The following UBE2E2 variants were observed in gnomAD, a reference collection of about 807,000 sequenced individuals.
UBE2E2 encodes the protein ubiquitin-conjugating enzyme E2 E2.
UBE2E2 carries 6 observed loss-of-function variants against 24.7 expected under a neutral mutation model. The observed-to-expected ratio is 0.24, with a 90% CI of 0.13 to 0.48. UBE2E2 has a LOEUF of 0.48. Ranked by LOEUF, UBE2E2 falls within the 20% of genes least tolerant of loss-of-function variation. The probability of loss-of-function intolerance (pLI) is 0.99; values close to 1 mark genes in which losing one functional copy is unlikely to be tolerated. For synonymous variants in UBE2E2, 104 were observed against 83.6 expected, an observed-to-expected ratio of 1.24 and a Z score of -1.33; for missense variants, 169 against 245.0, an observed-to-expected ratio of 0.69 and a Z score of 2.07.
intron 5 of UBE2E2, among the ~76,000 whole-genome samples, chr3:23,582,891 G>GTGTGTGTGTGTGTA (rs1553622745): frequency 0.039 from 5,843 of 148,630 alleles, 213 homozygotes; most frequent in African/African-American, 0.1. Context: ...GTGTGTGTGT[G>GTGTGTGTGTGTGTA]TGTTGTGTGT....
chr3:23,317,495 G>C (rs1199383740), intron 3 of UBE2E2, among the ~76,000 whole-genome samples: 1 of 152,170 alleles, frequency 6.6e-6, no homozygotes, highest in East Asian at 1.9e-4. Context: ...TCACACTGCT[G>C]ATAATAACAT....
chr3:23,235,626 C>T (rs550835135), intron 3 of UBE2E2, among the ~76,000 whole-genome samples: 1 of 152,136 alleles, frequency 6.6e-6, no homozygotes, highest in East Asian at 1.9e-4. Context: ...TAGATTATGG[C>T]AGTAGCAGTG....
chr3:23,535,862 C>T (rs1478807418), intron 5 of UBE2E2, among the ~76,000 whole-genome samples: 1 of 152,092 alleles, frequency 6.6e-6, no homozygotes, highest in Admixed American at 6.5e-5. Context: ...ACCTCGTGAT[C>T]CGCCCGCCTC....
intron 3 of UBE2E2, among the ~76,000 whole-genome samples, chr3:23,466,894 C>G (rs1241108805): frequency 2.6e-5 from 4 of 152,266 alleles, no homozygotes; most frequent in African/African-American, 9.6e-5. Flanking sequence ...CCTTATTTTT[C>G]TTATAATGAC....
chr3:23,257,156 G>A (rs1697748134), intron 3 of UBE2E2, among the ~76,000 whole-genome samples: 1 of 152,196 alleles, frequency 6.6e-6, no homozygotes, highest in Non-Finnish European at 1.5e-5. Context: ...GCTCTTCTGT[G>A]TGGGTCTTCA....
At chr3:23,217,853 G>T (rs1050195550) in intron 3 of UBE2E2, among the ~76,000 whole-genome samples, 1 of 151,998 alleles carries the variant, frequency 6.6e-6, no homozygotes, top group Non-Finnish European at 1.5e-5. Context: ...GAATTTTCTG[G>T]TCAGTGTTTA....
chr3:23,299,049 C>T (rs1698997601), intron 3 of UBE2E2, among the ~76,000 whole-genome samples: 1 of 152,188 alleles, frequency 6.6e-6, no homozygotes, highest in African/African-American at 2.4e-5. Context: ...TAATCCATTT[C>T]TTCCAGATTT....
intron 3 of UBE2E2, among the ~76,000 whole-genome samples, chr3:23,348,168 A>G (rs35928592): frequency 0.071 from 10,751 of 152,164 alleles, 501 homozygotes; most frequent in Non-Finnish European, 0.088. Flanking sequence ...CTATATCTCA[A>G]TGTGAAAACT....
intron 4 of UBE2E2, among the ~76,000 whole-genome samples, chr3:23,520,458 T>C (rs1245254896): frequency 2.0e-5 from 3 of 152,214 alleles, no homozygotes; most frequent in Non-Finnish European, 4.4e-5. Flanking sequence ...GGGAAAAATA[T>C]GATTACCCTC....
intron 3 of UBE2E2, among the ~76,000 whole-genome samples, chr3:23,226,683 C>A (rs191591470): frequency 6.6e-6 from 1 of 152,228 alleles, no homozygotes; most frequent in East Asian, 1.9e-4. Flanking sequence ...TATAGTTATT[C>A]TTGGGACAGT....
intron 3 of UBE2E2, among the ~76,000 whole-genome samples, chr3:23,447,830 C>A (rs1306300584): frequency 6.6e-6 from 1 of 152,060 alleles, no homozygotes; most frequent in Admixed American, 6.6e-5. Flanking sequence ...AGTGATGGTG[C>A]ACCTTATTTT....
intron 3 of UBE2E2, among the ~76,000 whole-genome samples, chr3:23,336,536 A>G (rs17013029): frequency 0.029 from 4,419 of 152,302 alleles, 116 homozygotes; most frequent in East Asian, 0.13. Flanking sequence ...AAAATTTCCA[A>G]TCACCATCTC....
chr3:23,366,106 A>G (rs994424702), intron 3 of UBE2E2, among the ~76,000 whole-genome samples: 8 of 152,290 alleles, frequency 5.3e-5, no homozygotes, highest in Middle Eastern at 3.4e-3. Context: ...AATCAAAACC[A>G]CAGTGAGATA....
Position 23,304,805 on chromosome 3 carries a change from G to C in UBE2E2, c.227+87493G>C, listed in dbSNP as rs192334026. On this transcript the variant is annotated intron_variant, in intron 3 of 5. Transcript: ENST00000396703. The stretch of plus-strand genomic sequence containing the variant: ...TTCTTTGTTACATTGAAATCTACCA[G>C]CCTGCCTTAATACCGGGTATGCATA... Among the ~76,000 whole-genome samples the C allele has an allele frequency of 1.4e-3, 216 of 152,106 alleles. 1 individual carries two copies. The highest frequency in any genetic ancestry group is 2.1e-3 in the Non-Finnish European group (140 of 67,988).
In UBE2E2 at chr3:23,441,407, C is replaced by T. The variant is rs368274238; in HGVS notation, c.228-58201C>T. ...AAAAAAAATTAGCTGGGCATGGTGG[C>T]GGGCGCCTGTAGTCCCAGCTACTCG... On this transcript the variant is annotated intron_variant, in intron 3 of 5. Transcript: ENST00000396703. 7.2e-4 allele frequency among the ~76,000 whole-genome samples: 106 copies of T among 147,912 alleles called. No homozygotes were observed. The South Asian group carries it at 0.015, about 21-fold the overall frequency.
At chr3:23,224,397 G>A (rs145536307) in intron 3 of UBE2E2, among the ~76,000 whole-genome samples, 1 of 151,308 alleles carries the variant, frequency 6.6e-6, no homozygotes, top group Admixed American at 6.6e-5. Context: ...TGATTCCTAG[G>A]CATTTTATAA....
intron 1 of UBE2E2, among the ~76,000 whole-genome samples, chr3:23,208,362 T>C (rs1398764508): frequency 6.6e-6 from 1 of 152,230 alleles, no homozygotes; most frequent in East Asian, 1.9e-4. Flanking sequence ...TTTTTATGGC[T>C]AACAGTACAT....
chr3:23,464,117 A>G (rs1698872041), intron 3 of UBE2E2, among the ~76,000 whole-genome samples: 1 of 152,144 alleles, frequency 6.6e-6, no homozygotes, highest in Non-Finnish European at 1.5e-5. Flanking sequence ...AACAGCGCAA[A>G]TTAATAACCA....
chr3:23,522,240 C>A (rs1231703176), intron 4 of UBE2E2, among the ~76,000 whole-genome samples: 1 of 151,576 alleles, frequency 6.6e-6, no homozygotes, highest in East Asian at 1.9e-4. Flanking sequence ...GCGCCGTTCT[C>A]CTGCCTCAGC....
Sources: allele counts gnomAD v4.1 joint callset (sites outside exome capture counted in the v4.1 genomes callset), GRCh38; gene constraint gnomAD v4.1.1; transcripts MANE v1.5; gene names NCBI Gene and HGNC (gene_info 2026-07-23, HGNC 2026-07-21).